Variants in USO1 observed in about 807,000 individuals in gnomAD.
USO1 encodes USO1 vesicle transport factor.
In USO1, 57 loss-of-function variants were observed where a neutral mutation model predicts 124.5. That is an observed-to-expected ratio of 0.46 (90% CI 0.37 to 0.57). The LOEUF (loss-of-function observed/expected upper bound fraction) is 0.57, where lower values mean the gene tolerates loss of function less well. Ranked by LOEUF, USO1 falls within the 20% of genes least tolerant of loss-of-function variation. USO1 has a pLI of 0.00. For missense variants in USO1, 900 were observed against 1,040.6 expected, an observed-to-expected ratio of 0.86 and a Z score of 1.86; for synonymous variants, 369 against 362.8, an observed-to-expected ratio of 1.02 and a Z score of -0.19.
In USO1 at chr4:75,752,609, GTC is replaced by G; in HGVS notation, c.218+9_218+10del. 2.5e-6 allele frequency: 1 copy of G among 398,448 alleles called. No homozygotes were observed. The highest frequency in any genetic ancestry group is 4.4e-6 in the Non-Finnish European group (1 of 226,014). The allele number at this position is 398,448 out of a possible 1,614,324, so 24.7% of individuals were successfully genotyped here. On this transcript the variant is annotated splice_donor_region_variant and intron_variant, in intron 3 of 23. Coordinates refer to ENST00000514213, the MANE Select transcript of USO1 (RefSeq NM_003715.4). Reference sequence around the variant, plus strand: ...TCATGTTTTACAAACAGATCGGTAAGTCTCTGTTTAATGATTTTTTTCCCTAA... The same window carrying G: ...TCATGTTTTACAAACAGATCGGTAAGTCTGTTTAATGATTTTTTTCCCTAA...
intron 1 of USO1, 173 bp downstream of exon 1, chr4:75,725,058 C>A: frequency 1.4e-6 from 1 of 714,964 alleles, no homozygotes; most frequent in Non-Finnish European, 2.3e-6. Context: ...TTCAATCACG[C>A]CCCCAGCTCA....
At position 75,800,817 on chromosome 4, in the gene USO1, T is replaced by C. The variant is rs1722826486; in HGVS notation, c.1864+18T>C. 6.2e-7 allele frequency: 1 copy of C among 1,605,182 alleles called. No individual in the cohort carries two copies. The highest frequency in any genetic ancestry group is 8.5e-7 in the Non-Finnish European group (1 of 1,175,536). On this transcript the variant is annotated intron_variant, in intron 16 of 23. Transcript: ENST00000514213. ...ACTTGAAGGTAAGACTGAAGATTTA[T>C]ATTGATATTTGATGGAAAGTAATTA...
rs1721889165 is a variant in USO1 at position 75,770,458 on chromosome 4, G to A, written c.315G>A (p.Gln105=). 2 of 1,585,976 alleles carry A rather than the reference G, an allele frequency of 1.3e-6. No homozygotes were observed. Among genetic ancestry groups the A allele is most frequent in the Non-Finnish European group, 1.7e-6 (2 of 1,165,470 alleles). The change falls in exon 5 of 24, where the codon CAG becomes CAA. Residue 105 remains glutamine, a synonymous_variant. Coordinates refer to ENST00000514213, the MANE Select transcript of USO1 (RefSeq NM_003715.4). ...EEEVEENSTR[Q]SEDLGSQFTE... ...TTACAGAAGAAAATTCCACAAGACA[G>A]AGTGAAGATTTGGGAAGCCAATTTA...
chr4:75,769,431 A>T (rs775779582), intron 4 of USO1, among the ~76,000 whole-genome samples: 6 of 152,162 alleles, frequency 3.9e-5, no homozygotes, highest in Non-Finnish European at 7.4e-5. Context: ...AGATGGGATT[A>T]TGACTGTCAA....
intron 13 of USO1, among the ~76,000 whole-genome samples, chr4:75,795,697 A>G (rs1232982165): frequency 6.6e-6 from 1 of 152,184 alleles, no homozygotes; most frequent in Non-Finnish European, 1.5e-5. Flanking sequence ...TTTCAAAGGA[A>G]GTAGAATTCA....
At position 75,770,565 on chromosome 4, in the gene USO1, G is replaced by T. The variant is rs1274091698; in HGVS notation, c.396+26G>T. 1.1e-5 allele frequency: 17 copies of T among 1,542,082 alleles called. 1 individual carries two copies. Among genetic ancestry groups the T allele is most frequent in the Non-Finnish European group, 1.1e-5 (13 of 1,142,686 alleles). On this transcript the variant is annotated intron_variant, in intron 5 of 23. Coordinates refer to ENST00000514213, the MANE Select transcript of USO1 (RefSeq NM_003715.4). ...GTAAATAGGGAACCTTGATGTTTTT[G>T]TCATCTTAATAAGCTGCTTTTGTTG...
chr4:75,759,246 C>CTTTTTTTTTTTTTT lies in USO1; in HGVS notation c.295+1678_295+1691dup, dbSNP rs71208100. On this transcript the variant is annotated intron_variant, in intron 4 of 23. Coordinates refer to ENST00000514213, the MANE Select transcript of USO1 (RefSeq NM_003715.4). Reference sequence around the variant, plus strand: ...TAATAGAATCACTTTTATTAAGGACCTTTTTTTTTTTTTTTTTTCTGAAAA... The same window carrying CTTTTTTTTTTTTTT: ...TAATAGAATCACTTTTATTAAGGACCTTTTTTTTTTTTTTTTTTTTTTTTTTTTTTTTCTGAAAA... Among the ~76,000 whole-genome samples, 108 of 69,124 alleles carry CTTTTTTTTTTTTTT rather than the reference C, an allele frequency of 1.6e-3. 21 individuals carry two copies. The highest frequency in any genetic ancestry group is 5.2e-3 in the African/African-American group (80 of 15,528). 45.3% of individuals were successfully genotyped at this position (69,124 alleles called of 152,430 possible).
At position 75,727,252 on chromosome 4, in the gene USO1, G is replaced by A. The variant is rs146009552; in HGVS notation, c.66+2367G>A. 7.0e-3 allele frequency among the ~76,000 whole-genome samples: 1,061 copies of A among 152,306 alleles called. 7 individuals are homozygous for A. Among genetic ancestry groups the A allele is most frequent in the South Asian group, 0.022 (104 of 4,824 alleles). Reference sequence around the variant, plus strand: ...GCACAAGGTTGAAGAGTTGGAGCTAGAACATTTTGATCTTGCCACTGTGGA... The same window carrying A: ...GCACAAGGTTGAAGAGTTGGAGCTAAAACATTTTGATCTTGCCACTGTGGA... On this transcript the variant is annotated intron_variant, in intron 1 of 23. Coordinates refer to ENST00000514213, the MANE Select transcript of USO1 (RefSeq NM_003715.4).
At chr4:75,806,464 T>C in intron 19 of USO1, 22 bp from the exon 20 acceptor site, 1 of 1,551,684 alleles carries the variant, frequency 6.4e-7, no homozygotes, top group South Asian at 1.2e-5. Context: ...TATTTTATAG[T>C]TTATTTTTGT....
chr4:75,805,637 G>T (rs1357573730), intron 19 of USO1, among the ~76,000 whole-genome samples: 1 of 151,724 alleles, frequency 6.6e-6, no homozygotes, highest in Non-Finnish European at 1.5e-5. Flanking sequence ...AACCCAGGAG[G>T]TAGAGGTTGC....
rs182960754 is a variant in USO1, at chr4:75,796,690, G to A, written c.1452+2789G>A. The stretch of plus-strand genomic sequence containing the variant: ...TCTCTTTTATCGTGTAAAATCTGTG[G>A]TTTATAATTACCCCCGAGAATGCTC... On this transcript the variant is annotated intron_variant, in intron 13 of 23. Transcript: ENST00000514213. Among the ~76,000 whole-genome samples the A allele has an allele frequency of 4.1e-3, 622 of 151,752 alleles. 3 individuals carry two copies. The highest frequency in any genetic ancestry group is 0.012 in the Admixed American group (182 of 15,238).
chr4:75,790,514 T>C (rs1242496273), intron 11 of USO1, 129 bp from the exon 12 acceptor site: 1 of 1,380,156 alleles, frequency 7.2e-7, no homozygotes, highest in Non-Finnish European at 9.5e-7. Flanking sequence ...TTCTGTGAAA[T>C]AGAGATGGAA....
At chr4:75,760,174 T>C (rs1409765991) in intron 4 of USO1, among the ~76,000 whole-genome samples, 2 of 151,928 alleles carry the variant, frequency 1.3e-5, no homozygotes, top group African/African-American at 2.4e-5. Context: ...ATCGCACCAT[T>C]GTACTCCAGC....
chr4:75,730,205 G>T (rs1720589688), intron 1 of USO1, among the ~76,000 whole-genome samples: 2 of 152,196 alleles, frequency 1.3e-5, no homozygotes, highest in African/African-American at 4.8e-5. Flanking sequence ...ATTATATAGG[G>T]TTCATTTAAA....
At chr4:75,732,604 C>T (rs566386303) in intron 1 of USO1, among the ~76,000 whole-genome samples, 3 of 152,162 alleles carry the variant, frequency 2.0e-5, no homozygotes, top group South Asian at 2.1e-4. Context: ...AGTTACTGGA[C>T]GCAGTGGCTC....
chr4:75,763,243 G>A (rs1237308242), intron 4 of USO1, among the ~76,000 whole-genome samples: 5 of 152,264 alleles, frequency 3.3e-5, no homozygotes, highest in Admixed American at 3.3e-4. Flanking sequence ...AAACTATCCA[G>A]AGCTATACAG....
chr4:75,785,362 T>TA (rs1491243492), intron 9 of USO1, among the ~76,000 whole-genome samples: 2 of 152,046 alleles, frequency 1.3e-5, no homozygotes, highest in African/African-American at 4.8e-5. Flanking sequence ...TTTATTTTTT[T>TA]AAAAAATTAT....
intron 4 of USO1, among the ~76,000 whole-genome samples, chr4:75,758,367 AATCT>A (rs1469498964): frequency 6.6e-6 from 1 of 152,198 alleles, no homozygotes; most frequent in East Asian, 1.9e-4. Flanking sequence ...ACATTTTATA[AATCT>A]AATTTAGACT....
chr4:75,794,918 C>T (rs1437712504), intron 13 of USO1, among the ~76,000 whole-genome samples: 3 of 152,150 alleles, frequency 2.0e-5, no homozygotes, highest in African/African-American at 7.2e-5. Context: ...AAAAAACTAT[C>T]CCAAATTTTT....
Sources: allele counts gnomAD v4.1 joint callset (sites outside exome capture counted in the v4.1 genomes callset), GRCh38; gene constraint gnomAD v4.1.1; transcripts MANE v1.5; gene names NCBI Gene and HGNC (gene_info 2026-07-23, HGNC 2026-07-21).